Variants in ALK observed in about 807,000 individuals in gnomAD.
The protein encoded by ALK is ALK tyrosine kinase receptor.
ALK carries 74 observed loss-of-function variants against 163.1 expected under a neutral mutation model. The ratio of observed to expected loss-of-function variants is 0.45; its 90% CI spans 0.38 to 0.55. The LOEUF is 0.55. ALK is among the 20% of genes least tolerant of loss of function. ALK has a pLI of 0.00. For synonymous variants in ALK, 960 were observed against 843.2 expected (o/e 1.14, Z -2.40); for missense variants, 2,063 against 2,105.3 (o/e 0.98, Z 0.39).
chr2:29,658,113 G>A (rs6547968), intron 3 of ALK, among the ~76,000 whole-genome samples: 26,652 of 152,052 alleles, frequency 0.18, 5,340 homozygotes, highest in African/African-American at 0.49. Flanking sequence ...CCTGTCCACT[G>A]TCCACTCAAG....
intron 3 of ALK, among the ~76,000 whole-genome samples, chr2:29,647,250 A>G (rs1051498548): frequency 1.3e-5 from 2 of 152,144 alleles, no homozygotes; most frequent in Non-Finnish European, 2.9e-5. Context: ...AGAGTTGTGT[A>G]TCTCTCCTTA....
chr2:29,731,260 T>A (rs1011606010), intron 1 of ALK, among the ~76,000 whole-genome samples: 2 of 152,190 alleles, frequency 1.3e-5, no homozygotes, highest in African/African-American at 4.8e-5. Flanking sequence ...GTGTGTAGCC[T>A]CATCTGTCAT....
chr2:29,891,532 G>T (rs1032680485), intron 1 of ALK, among the ~76,000 whole-genome samples: 1 of 152,206 alleles, frequency 6.6e-6, no homozygotes, highest in Non-Finnish European at 1.5e-5. Flanking sequence ...CATAGGAACT[G>T]CAAATGGCCT....
chr2:29,818,517 G>A (rs1664958670), intron 1 of ALK, among the ~76,000 whole-genome samples: 1 of 152,256 alleles, frequency 6.6e-6, no homozygotes, highest in Admixed American at 6.5e-5. Context: ...CAGCGCGCAG[G>A]TTTTCCACGC....
intron 5 of ALK, among the ~76,000 whole-genome samples, chr2:29,340,601 C>T (rs1667761171): frequency 6.6e-6 from 1 of 152,222 alleles, no homozygotes; most frequent in African/African-American, 2.4e-5. Flanking sequence ...AGCTTCCACC[C>T]TCACCACTGA....
At chr2:29,900,296 CT>C (rs1667379677) in intron 1 of ALK, among the ~76,000 whole-genome samples, 1 of 151,966 alleles carries the variant, frequency 6.6e-6, no homozygotes, top group Non-Finnish European at 1.5e-5. Context: ...GATGGGCCAC[CT>C]AACAGGGAGC....
chr2:29,389,117 A>G lies in ALK; in HGVS notation c.1155-5258T>C, dbSNP rs1558303180. 2.0e-5 allele frequency among the ~76,000 whole-genome samples: 3 copies of G among 152,362 alleles called. No homozygotes were observed. In the East Asian group the frequency reaches 5.8e-4, roughly 29 times the overall value. ...GATATTTACTGGTGCATTGTTGCAC[A>G]CTAGCTAAAGTATTGGATGCTCTAG... On this transcript the variant is annotated intron_variant, in intron 4 of 28. Transcript: ENST00000389048.
intron 8 of ALK, among the ~76,000 whole-genome samples, chr2:29,317,023 C>A (rs917325319): frequency 2.0e-5 from 3 of 152,182 alleles, no homozygotes; most frequent in African/African-American, 7.2e-5. Context: ...ATTTCTACAT[C>A]TTTTCCATTC....
intron 4 of ALK, among the ~76,000 whole-genome samples, chr2:29,497,621 C>G (rs2148129404): frequency 6.6e-6 from 1 of 152,322 alleles, no homozygotes; most frequent in Middle Eastern, 3.4e-3. Flanking sequence ...CTGCAAAACT[C>G]ATTATAATTC....
At chr2:29,780,878 T>A (rs1681313945) in intron 1 of ALK, among the ~76,000 whole-genome samples, 1 of 152,234 alleles carries the variant, frequency 6.6e-6, no homozygotes, top group Non-Finnish European at 1.5e-5. Flanking sequence ...TTCAGCAAAA[T>A]GTTCTTTGAT....
At chr2:29,442,862 A>G (rs1670581690) in intron 4 of ALK, among the ~76,000 whole-genome samples, 1 of 152,222 alleles carries the variant, frequency 6.6e-6, no homozygotes, top group Non-Finnish European at 1.5e-5. Flanking sequence ...TGTTAGACAA[A>G]TGATTCTCAA....
chr2:29,737,258 G>A (rs1055912012), intron 1 of ALK, among the ~76,000 whole-genome samples: 1 of 152,038 alleles, frequency 6.6e-6, no homozygotes, highest in Non-Finnish European at 1.5e-5. Context: ...GTTAGGGGTA[G>A]ATATCTTTGC....
chr2:29,420,953 T>C (rs1670001830), intron 4 of ALK, among the ~76,000 whole-genome samples: 1 of 151,500 alleles, frequency 6.6e-6, no homozygotes, highest in South Asian at 2.1e-4. Context: ...GGAGGTCGCA[T>C]GTTCTCCCCA....
chr2:29,349,016 G>A (rs1387546085), intron 5 of ALK, among the ~76,000 whole-genome samples: 4 of 152,140 alleles, frequency 2.6e-5, no homozygotes, highest in African/African-American at 2.4e-5. Context: ...GATAATAAGA[G>A]TACCTTCTTC....
intron 1 of ALK, among the ~76,000 whole-genome samples, chr2:29,777,112 G>A (rs1681198224): frequency 6.6e-6 from 1 of 152,186 alleles, no homozygotes; most frequent in African/African-American, 2.4e-5. Flanking sequence ...GGGAAGCTGA[G>A]TATGTGCTTA....
chr2:29,666,751 T>C (rs1677524577), intron 3 of ALK, among the ~76,000 whole-genome samples: 1 of 152,080 alleles, frequency 6.6e-6, no homozygotes, highest in Non-Finnish European at 1.5e-5. Flanking sequence ...AAATTTACTG[T>C]CTTTACTATT....
At chr2:29,705,052 T>C (rs1678856073) in intron 2 of ALK, among the ~76,000 whole-genome samples, 1 of 151,192 alleles carries the variant, frequency 6.6e-6, no homozygotes, top group Non-Finnish European at 1.5e-5. Context: ...ACCCCGTCTC[T>C]ACTAAAAATA....
intron 3 of ALK, among the ~76,000 whole-genome samples, chr2:29,580,457 C>T (rs114332431): frequency 0.023 from 3,536 of 152,254 alleles, 89 homozygotes; most frequent in African/African-American, 0.058. Flanking sequence ...ATAACCAAAG[C>T]GTAGGATTTC....
chr2:29,689,671 T>A (rs904887073), intron 3 of ALK, among the ~76,000 whole-genome samples: 1 of 152,196 alleles, frequency 6.6e-6, no homozygotes, highest in Non-Finnish European at 1.5e-5. Flanking sequence ...CCAGGGCATA[T>A]GTCCAAATCC....
Sources: gnomAD v4.1 joint callset for allele counts (sites outside exome capture counted in the v4.1 genomes callset) on GRCh38, gnomAD v4.1.1 for gene constraint, MANE v1.5 for transcripts, NCBI Gene and HGNC (gene_info 2026-07-23, HGNC 2026-07-21) for gene names.